ABCC5: variants seen among roughly 807,000 people sequenced by gnomAD.
ABCC5 encodes the protein ATP-binding cassette sub-family C member 5.
In ABCC5, 61 loss-of-function variants were observed where a neutral mutation model predicts 160.9. The ratio of observed to expected loss-of-function variants is 0.38; its 90% confidence interval spans 0.31 to 0.47. The LOEUF (loss-of-function observed/expected upper bound fraction) is 0.47, where lower values mean the gene tolerates loss of function less well. ABCC5 is among the 20% of genes least tolerant of loss of function. The probability of loss-of-function intolerance (pLI) is 0.99; values close to 1 mark genes in which losing one functional copy is unlikely to be tolerated. For missense variants in ABCC5, 1,308 were observed against 1,813.3 expected (o/e 0.72, Z 5.06); for synonymous variants, 666 against 700.6 (o/e 0.95, Z 0.78).
At chr3:183,991,882 G>C (rs1719799771) in intron 2 of ABCC5, among the ~76,000 whole-genome samples, 1 of 152,182 alleles carries the variant, frequency 6.6e-6, no homozygotes, top group Non-Finnish European at 1.5e-5. Flanking sequence ...GATTGAGAGA[G>C]AAAGATACAC....
At chr3:183,978,840 C>T (rs1227145386) in intron 8 of ABCC5, among the ~76,000 whole-genome samples, 189 bp from the exon 9 acceptor site, 1 of 152,196 alleles carries the variant, frequency 6.6e-6, no homozygotes, top group African/African-American at 2.4e-5. Flanking sequence ...ATGAATCTAA[C>T]AGAAAGCAGT....
chr3:184,001,311 C>A, intron 2 of ABCC5: 1 of 454,266 alleles, frequency 2.2e-6, no homozygotes, highest in Non-Finnish European at 3.9e-6. Flanking sequence ...TAACCCAATG[C>A]AAAGTATTAT....
At chr3:183,961,447 C>T in intron 16 of ABCC5, 64 bp downstream of exon 16, 1 of 1,578,802 alleles carries the variant, frequency 6.3e-7, no homozygotes, top group Non-Finnish European at 8.6e-7. Context: ...CTCCATCACT[C>T]ACTCCGGCTG....
At chr3:184,007,957 T>C (rs2108916731) in intron 2 of ABCC5, among the ~76,000 whole-genome samples, 1 of 152,342 alleles carries the variant, frequency 6.6e-6, no homozygotes, top group Non-Finnish European at 1.5e-5. Context: ...ATCCCACAAC[T>C]CTTTCTTTTG....
At position 183,949,539 on chromosome 3, in the gene ABCC5, C is replaced by T. The variant is rs935107004; in HGVS notation, c.3227+214G>A. Among the ~76,000 whole-genome samples the T allele has an allele frequency of 2.6e-5, 4 of 152,258 alleles. No homozygotes were observed. The highest frequency in any genetic ancestry group is 4.4e-5 in the Non-Finnish European group (3 of 68,052). On this transcript the variant is annotated intron_variant, in intron 22 of 29. Coordinates refer to ENST00000334444, the MANE Select transcript of ABCC5 (RefSeq NM_005688.4). The surrounding 1 kb of genome is among the most constrained non-coding windows in gnomAD (Gnocchi z 4.2). Reference sequence around the variant, plus strand: ...GACTATAGGCACGTGATGCCGCATGCGGCCCAAATCTGTATTTCTGTTTTC... The same window carrying T: ...GACTATAGGCACGTGATGCCGCATGTGGCCCAAATCTGTATTTCTGTTTTC...
chr3:183,957,332 G>A (rs201144225), intron 17 of ABCC5, among the ~76,000 whole-genome samples: 1,962 of 38,738 alleles, frequency 0.051, 8 homozygotes, highest in East Asian at 0.099. Context: ...TTACATGCGG[G>A]TCCGTGTGTA....
chr3:183,951,728 T>C lies in ABCC5; in HGVS notation c.2814+129A>G, dbSNP rs1023101983. 15 of 1,469,168 alleles carry C rather than the reference T, an allele frequency of 1.0e-5. No individual in the cohort carries two copies. The highest frequency in any genetic ancestry group is 9.3e-5 in the Admixed American group (5 of 53,886). The allele number at this position is 1,469,168 out of a possible 1,614,324, so 91.0% of individuals were successfully genotyped here. A position where few individuals can be genotyped will look rare whatever the true frequency, so the allele number is the denominator to read the frequency against. On this transcript the variant is annotated intron_variant, in intron 19 of 29. Transcript: ENST00000334444. This position sits in a 1 kb window ranked among gnomAD's most constrained non-coding sequence, Gnocchi z 4.7. The stretch of plus-strand genomic sequence containing the variant: ...AGAAAAGGTGGAGGCTAACGGAATA[T>C]GAGTCATCTCAGCCAGGGCCATCCT...
At chr3:184,005,107 T>C (rs1721072890) in intron 2 of ABCC5, among the ~76,000 whole-genome samples, 1 of 152,158 alleles carries the variant, frequency 6.6e-6, no homozygotes, top group Non-Finnish European at 1.5e-5. Flanking sequence ...TGCTGTATTC[T>C]GAGCCACCGA....
intron 17 of ABCC5, among the ~76,000 whole-genome samples, chr3:183,957,583 T>C (rs1172814899): frequency 2.6e-5 from 4 of 151,460 alleles, no homozygotes; most frequent in Admixed American, 6.6e-5. Context: ...ATCGGTTACA[T>C]GCTTATCCGT....
In ABCC5 at chr3:183,951,565, C is replaced by G; in HGVS notation, c.2820G>C (p.Thr940=). 6.2e-7 allele frequency: 1 copy of G among 1,614,024 alleles called. No individual in the cohort carries two copies. The part of the protein sequence containing the change: ...AIRGVVFVKG[T]LRASSRLHDE... ...CATGCAGCCGGGAGGAAGCTCGCAG[C>G]GTGCCCTGAGGAGCAGAGCACAGAG... Residue 940 remains threonine (T), a synonymous_variant, in exon 20 of 30, where the codon ACG becomes ACC. Coordinates refer to ENST00000334444, the MANE Select transcript of ABCC5 (RefSeq NM_005688.4). This position sits in a 1 kb window ranked among gnomAD's most constrained non-coding sequence, Gnocchi z 4.7.
Position 183,982,385 on chromosome 3 carries a change from A to T in ABCC5, c.999+66T>A, listed in dbSNP as rs1718823409. The stretch of plus-strand genomic sequence containing the variant: ...GTGAGACCTCAGCAATGCCTACTAT[A>T]ACCCAATGGAAGTAACTCATCTCCT... On this transcript the variant is annotated intron_variant, in intron 7 of 29. Coordinates refer to ENST00000334444, the MANE Select transcript of ABCC5 (RefSeq NM_005688.4). This position sits in a 1 kb window ranked among gnomAD's most constrained non-coding sequence, Gnocchi z 5.2. The T allele has an allele frequency of 1.3e-6, 2 of 1,544,988 alleles. No homozygotes were observed. The highest frequency in any genetic ancestry group is 1.8e-6 in the Non-Finnish European group (2 of 1,139,946).
chr3:183,929,095 G>A lies in ABCC5; in HGVS notation c.3855-270C>T, dbSNP rs1028546400. On this transcript the variant is annotated intron_variant, in intron 26 of 29. Coordinates refer to ENST00000334444, the MANE Select transcript of ABCC5 (RefSeq NM_005688.4). ...AGAACAATTTATAAATGCAAATATC[G>A]GCAAATATCCTTCTAGATTTTTTCC... is the stretch of plus-strand genomic sequence containing the variant. Among the ~76,000 whole-genome samples the A allele has an allele frequency of 5.9e-5, 9 of 151,878 alleles. 1 individual carries two copies. In the East Asian group the frequency reaches 9.6e-4, roughly 16 times the overall value.
intron 5 of ABCC5, chr3:183,984,586 T>G: frequency 7.4e-7 from 1 of 1,349,952 alleles, no homozygotes; most frequent in Non-Finnish European, 9.5e-7. Flanking sequence ...ATCAGATTTT[T>G]GCCAAGTCCC....
chr3:183,994,437 G>A (rs1009627466), intron 2 of ABCC5, among the ~76,000 whole-genome samples: 1 of 151,754 alleles, frequency 6.6e-6, no homozygotes, highest in African/African-American at 2.4e-5. Context: ...GTGCAGTGGT[G>A]CAATCTCGGG....
intron 10 of ABCC5, among the ~76,000 whole-genome samples, chr3:183,976,648 T>C (rs1718242181): frequency 6.6e-6 from 1 of 152,154 alleles, no homozygotes; most frequent in Non-Finnish European, 1.5e-5. Context: ...CCATGTTTCT[T>C]AAGAAGAAAA....
At chr3:183,989,074 G>C in intron 3 of ABCC5, 152 bp downstream of exon 3, 1 of 765,538 alleles carries the variant, frequency 1.3e-6, no homozygotes, top group Non-Finnish European at 2.0e-6. Flanking sequence ...GAGGCTGAGA[G>C]GCAGGAGAAT....
chr3:183,969,554 C>T (rs1315517105), intron 11 of ABCC5, among the ~76,000 whole-genome samples: 1 of 151,922 alleles, frequency 6.6e-6, no homozygotes, highest in Non-Finnish European at 1.5e-5. Flanking sequence ...TAGCCAGGCA[C>T]AGTGGCACGT....
rs1315393541 is a variant in ABCC5, at chr3:183,921,262, A to G, written c.*38T>C. The G allele has an allele frequency of 1.6e-6, 2 of 1,253,574 alleles. No individual in the cohort carries two copies. Among genetic ancestry groups the G allele is most frequent in the Non-Finnish European group, 2.3e-6 (2 of 869,574 alleles). 77.7% of individuals were successfully genotyped at this position (1,253,574 alleles called of 1,614,324 possible). ...GGCCCGCCCCAGGCAGGGAATGGCA[A>G]TGCTCTAAAGAAAAGAGACTTCGTC... is the stretch of plus-strand genomic sequence containing the variant. On this transcript the variant is annotated 3_prime_UTR_variant, in exon 30 of 30. Coordinates refer to ENST00000334444, the MANE Select transcript of ABCC5 (RefSeq NM_005688.4). This position sits in a 1 kb window ranked among gnomAD's most constrained non-coding sequence, Gnocchi z 4.1.
chr3:183,983,295 A>C, intron 5 of ABCC5: 1 of 439,478 alleles, frequency 2.3e-6, no homozygotes, highest in South Asian at 2.8e-5. Flanking sequence ...TTAACTCTAA[A>C]CACATGGTCA....
Sources: allele counts gnomAD v4.1 joint callset (sites outside exome capture counted in the v4.1 genomes callset), GRCh38; gene constraint gnomAD v4.1.1; non-coding constraint Gnocchi (gnomAD v3.1); transcripts MANE v1.5; gene names NCBI Gene and HGNC (gene_info 2026-07-23, HGNC 2026-07-21).